ASIC2: variants seen among roughly 807,000 people sequenced by gnomAD.
ASIC2 encodes acid sensing ion channel subunit 2.
Under a neutral mutation model 57.3 loss-of-function variants are expected in ASIC2, and 25 were observed. The ratio of observed to expected loss-of-function variants is 0.44; its 90% CI spans 0.32 to 0.61. The LOEUF is 0.61. Among genes scored for constraint, ASIC2 ranks in the 20% least tolerant of loss-of-function variants. The pLI, the probability that ASIC2 is intolerant of heterozygous loss-of-function variation, is 0.06. For synonymous variants in ASIC2, 319 were observed against 307.5 expected, an observed-to-expected ratio of 1.04 and a Z score of -0.39; for missense variants, 641 against 738.1, an observed-to-expected ratio of 0.87 and a Z score of 1.52.
intron 1 of ASIC2, among the ~76,000 whole-genome samples, chr17:34,048,304 G>T (rs1394951193): frequency 6.6e-6 from 1 of 152,026 alleles, no homozygotes; most frequent in Non-Finnish European, 1.5e-5. Flanking sequence ...TCTAAAATTT[G>T]GTTCGGAGAA....
At chr17:33,649,415 A>G (rs946641540) in intron 1 of ASIC2, among the ~76,000 whole-genome samples, 4 of 152,232 alleles carry the variant, frequency 2.6e-5, no homozygotes, top group African/African-American at 9.6e-5. Context: ...ATGGAGAGAC[A>G]TACCATGTTC....
chr17:33,847,196 T>C (rs2141912757), intron 1 of ASIC2, among the ~76,000 whole-genome samples: 1 of 151,600 alleles, frequency 6.6e-6, no homozygotes, highest in South Asian at 2.1e-4. Flanking sequence ...AGGAGAAAGT[T>C]TCTAGTAGCT....
At chr17:33,568,406 G>A (rs766595980) in intron 1 of ASIC2, among the ~76,000 whole-genome samples, 3 of 152,176 alleles carry the variant, frequency 2.0e-5, no homozygotes, top group Non-Finnish European at 4.4e-5. Context: ...GATGAGGCAA[G>A]GTCTCTGGAT....
chr17:33,251,454 C>A (rs1597651409), intron 1 of ASIC2, among the ~76,000 whole-genome samples: 1 of 152,168 alleles, frequency 6.6e-6, no homozygotes, highest in South Asian at 2.1e-4. Context: ...CTCAGCCTCC[C>A]AAGTAACTGA....
chr17:33,736,729 G>A (rs909859598), intron 1 of ASIC2, among the ~76,000 whole-genome samples: 3 of 152,160 alleles, frequency 2.0e-5, no homozygotes, highest in Admixed American at 6.5e-5. Context: ...GAGATCATTA[G>A]GGAGTGACCT....
At chr17:34,086,942 G>T (rs377361197) in intron 1 of ASIC2, among the ~76,000 whole-genome samples, 86 of 152,046 alleles carry the variant, frequency 5.7e-4, no homozygotes, top group Non-Finnish European at 7.1e-4. Context: ...TCTCTGCATG[G>T]GAGATGGGTT....
chr17:33,911,289 C>CACTCATGGG (rs1915456589), intron 1 of ASIC2, among the ~76,000 whole-genome samples: 1 of 152,200 alleles, frequency 6.6e-6, no homozygotes, highest in Non-Finnish European at 1.5e-5. Context: ...GAAAACCCCA[C>CACTCATGGG]ACTCATGGGA....
At chr17:33,234,725 G>A (rs185631426) in intron 1 of ASIC2, among the ~76,000 whole-genome samples, 6 of 152,310 alleles carry the variant, frequency 3.9e-5, no homozygotes, top group Middle Eastern at 6.8e-3. Context: ...TCCTCACATG[G>A]TGTAAATGGG....
In ASIC2 at chr17:33,178,760, A is replaced by G. The variant is rs1905862076; in HGVS notation, c.709-66693T>C. ...CTTTTTGAAGAGGACAGCCCAACAG[A>G]GGAGGGCCCCATGCAGGCAGGGGAA... is the stretch of plus-strand genomic sequence containing the variant. On this transcript the variant is annotated intron_variant, in intron 1 of 9. Transcript: ENST00000225823. Among the ~76,000 whole-genome samples, 3 of 152,208 alleles carry G rather than the reference A, an allele frequency of 2.0e-5. No homozygotes were observed. The South Asian group carries it at 6.2e-4, about 32-fold the overall frequency.
At chr17:33,853,283 T>C (rs76591006) in intron 1 of ASIC2, among the ~76,000 whole-genome samples, 173 of 152,184 alleles carry the variant, frequency 1.1e-3, no homozygotes, top group African/African-American at 4.0e-3. Flanking sequence ...AGATTCCTTT[T>C]AGCAAAGAGT....
intron 1 of ASIC2, among the ~76,000 whole-genome samples, chr17:34,022,079 C>T (rs1377727050): frequency 9.2e-5 from 14 of 152,014 alleles, no homozygotes; most frequent in African/African-American, 3.1e-4. Context: ...CCTTGTGATC[C>T]GCCCACCTCG....
intron 1 of ASIC2, among the ~76,000 whole-genome samples, chr17:34,065,426 T>A (rs1234178353): frequency 6.6e-6 from 1 of 152,134 alleles, no homozygotes; most frequent in African/African-American, 2.4e-5. Context: ...TCGGGTGATA[T>A]GTGCACCAAA....
chr17:33,935,204 GC>G (rs1916033454), intron 1 of ASIC2, among the ~76,000 whole-genome samples: 1 of 152,094 alleles, frequency 6.6e-6, no homozygotes, highest in African/African-American at 2.4e-5. Flanking sequence ...TTTCTTTTCA[GC>G]CCCCAAACCT....
chr17:33,415,561 G>C (rs969366869), intron 1 of ASIC2, among the ~76,000 whole-genome samples: 1 of 151,796 alleles, frequency 6.6e-6, no homozygotes, highest in Non-Finnish European at 1.5e-5. Flanking sequence ...TTTAGTTCAA[G>C]ATGGTCCAAA....
At chr17:33,099,764 G>A (rs1296867847) in intron 2 of ASIC2, among the ~76,000 whole-genome samples, 1 of 152,140 alleles carries the variant, frequency 6.6e-6, no homozygotes, top group Non-Finnish European at 1.5e-5. Context: ...AAAGTTGGTG[G>A]ATGATTAAGA....
intron 1 of ASIC2, among the ~76,000 whole-genome samples, chr17:33,921,863 G>T (rs776584580): frequency 2.6e-5 from 4 of 152,114 alleles, no homozygotes; most frequent in Non-Finnish European, 5.9e-5. Context: ...AAGGAGGAGT[G>T]AATATTATCA....
intron 1 of ASIC2, among the ~76,000 whole-genome samples, chr17:33,653,080 TATAAAG>T (rs1479904175): frequency 3.9e-5 from 6 of 152,232 alleles, no homozygotes; most frequent in Non-Finnish European, 7.3e-5. Flanking sequence ...TCAAGGGTGT[TATAAAG>T]ATAAAGTGCT....
intron 3 of ASIC2, among the ~76,000 whole-genome samples, chr17:33,059,622 G>A (rs1251843650): frequency 6.6e-5 from 10 of 152,142 alleles, no homozygotes; most frequent in South Asian, 6.2e-4. Context: ...ATAAACATAC[G>A]TGTGCATGTG....
intron 1 of ASIC2, among the ~76,000 whole-genome samples, chr17:33,868,898 T>C (rs1314154711): frequency 6.6e-6 from 1 of 152,110 alleles, no homozygotes; most frequent in Non-Finnish European, 1.5e-5. Flanking sequence ...ACCTTGTCTC[T>C]ACTAAAAATT....
Sources: allele counts gnomAD v4.1 joint callset (sites outside exome capture counted in the v4.1 genomes callset), GRCh38; gene constraint gnomAD v4.1.1; transcripts MANE v1.5; gene names NCBI Gene and HGNC (gene_info 2026-07-23, HGNC 2026-07-21).